Variants in OLFM2 observed in about 807,000 individuals in gnomAD.
OLFM2 encodes the protein noelin-2.
Under a neutral mutation model 43.9 loss-of-function variants are expected in OLFM2, and 20 were observed. The observed-to-expected ratio is 0.46, with a 90% confidence interval of 0.32 to 0.66. OLFM2 has a LOEUF of 0.66. Ranked by LOEUF, OLFM2 falls within the 30% of genes least tolerant of loss-of-function variation. The probability of loss-of-function intolerance (pLI) is 0.04; values close to 1 mark genes in which losing one functional copy is unlikely to be tolerated. For synonymous variants in OLFM2, 268 were observed against 278.6 expected, an observed-to-expected ratio of 0.96 and a Z score of 0.38; for missense variants, 416 against 643.6, an observed-to-expected ratio of 0.65 and a Z score of 3.83.
chr19:9,890,116 T>A (rs542698912), intron 1 of OLFM2, among the ~76,000 whole-genome samples: 147 of 152,086 alleles, frequency 9.7e-4, no homozygotes, highest in African/African-American at 3.3e-3. Context: ...CCCTCTGGGC[T>A]CCCCTCTTCC....
chr19:9,931,888 G>A (rs2086485078), intron 1 of OLFM2, among the ~76,000 whole-genome samples: 1 of 152,014 alleles, frequency 6.6e-6, no homozygotes, highest in Non-Finnish European at 1.5e-5. Context: ...GATTTTCTTG[G>A]TGCCTTCCAT....
At chr19:9,930,379 T>TG (rs563571552) in intron 1 of OLFM2, among the ~76,000 whole-genome samples, 108 of 152,330 alleles carry the variant, frequency 7.1e-4, no homozygotes, top group Non-Finnish European at 5.3e-4. Flanking sequence ...TTTATTTTTT[T>TG]GGGGGGCATA....
chr19:9,919,486 T>C lies in OLFM2; in HGVS notation c.63+16818A>G, dbSNP rs138472715. Among the ~76,000 whole-genome samples, 51 of 147,432 alleles carry C rather than the reference T, an allele frequency of 3.5e-4. No individual in the cohort carries two copies. The East Asian group carries it at 0.01, about 29-fold the overall frequency. Reference sequence around the variant, plus strand: ...CCGGCCGAGACCTCATTTCTTCCTATTCATTTATTTATTTGAGACAGAGTC... The same window carrying C: ...CCGGCCGAGACCTCATTTCTTCCTACTCATTTATTTATTTGAGACAGAGTC... On this transcript the variant is annotated intron_variant, in intron 1 of 5. Transcript: ENST00000264833.
intron 1 of OLFM2, among the ~76,000 whole-genome samples, chr19:9,912,288 C>G (rs890950133): frequency 3.3e-5 from 5 of 152,136 alleles, no homozygotes; most frequent in African/African-American, 1.2e-4. Flanking sequence ...AGGGGCTGGA[C>G]AAAGCCTTCT....
At chr19:9,865,010 A>G (rs1368710111) in intron 1 of OLFM2, among the ~76,000 whole-genome samples, 4 of 151,638 alleles carry the variant, frequency 2.6e-5, no homozygotes, top group African/African-American at 7.3e-5. Flanking sequence ...TTCCTGGGGT[A>G]TCTTAGGTGG....
chr19:9,903,824 G>A (rs2046760596), intron 1 of OLFM2, among the ~76,000 whole-genome samples: 1 of 152,134 alleles, frequency 6.6e-6, no homozygotes, highest in African/African-American at 2.4e-5. Flanking sequence ...GCATCTATCT[G>A]CAGAACCAAA....
chr19:9,911,542 C>G (rs1212200791), intron 1 of OLFM2, among the ~76,000 whole-genome samples: 2 of 152,088 alleles, frequency 1.3e-5, no homozygotes, highest in African/African-American at 4.8e-5. Context: ...CCCACATGCA[C>G]ACAAGGCAGG....
chr19:9,887,431 G>A (rs1039823067), intron 1 of OLFM2, among the ~76,000 whole-genome samples: 3 of 151,888 alleles, frequency 2.0e-5, no homozygotes, highest in South Asian at 2.1e-4. Context: ...CACTTGCCTC[G>A]GCCTCCCAAA....
intron 1 of OLFM2, among the ~76,000 whole-genome samples, chr19:9,918,933 G>A (rs1224134160): frequency 6.6e-6 from 1 of 152,178 alleles, no homozygotes; most frequent in Non-Finnish European, 1.5e-5. Flanking sequence ...CCTAAAATTG[G>A]ATCGGGGTGA....
At position 9,854,952 on chromosome 19, in the gene OLFM2, T is replaced by A; in HGVS notation, c.688-89A>T. Reference sequence around the variant, plus strand: ...AGCTACAGCCATTAGAGTTCAACAGTCACTAAGTGGTCATTAGTCATGGGA... The same window carrying A: ...AGCTACAGCCATTAGAGTTCAACAGACACTAAGTGGTCATTAGTCATGGGA... On this transcript the variant is annotated intron_variant, in intron 5 of 5. Coordinates refer to ENST00000264833, the MANE Select transcript of OLFM2 (RefSeq NM_058164.4). The surrounding 1 kb of genome is among the most constrained non-coding windows in gnomAD (Gnocchi z 9.5). 9.9e-7 allele frequency: 1 copy of A among 1,011,124 alleles called. No homozygotes were observed. Among genetic ancestry groups the A allele is most frequent in the Admixed American group, 2.8e-5 (1 of 35,564 alleles). The allele number at this position is 1,011,124 out of a possible 1,614,324, so 62.6% of individuals were successfully genotyped here. A position where few individuals can be genotyped will look rare whatever the true frequency, so the allele number is the denominator to read the frequency against.
Position 9,860,652 on chromosome 19 carries a change from A to T in OLFM2, c.206T>A (p.Met69Lys). 1 of 1,585,472 alleles carries T rather than the reference A, an allele frequency of 6.3e-7. No individual in the cohort carries two copies. Among genetic ancestry groups the T allele is most frequent in the Non-Finnish European group, 8.6e-7 (1 of 1,165,024 alleles). ...TACCTGGAAGGTTCTCACCTTCTCCATCAGTTGCCGCAGCTCCCGACTCCT... is the reference window on the plus strand; with the variant it reads ...TACCTGGAAGGTTCTCACCTTCTCCTTCAGTTGCCGCAGCTCCCGACTCCT... Reference protein sequence around the residue: ...DGRSRELRQLMEKVQNVSQSM... With the variant: ...DGRSRELRQLKEKVQNVSQSM... Residue 69 changes from methionine to lysine, a missense_variant, in exon 2 of 6, where the codon ATG (methionine) becomes AAG (lysine). Coordinates refer to ENST00000264833, the MANE Select transcript of OLFM2 (RefSeq NM_058164.4).
At chr19:9,913,796 G>C in intron 1 of OLFM2, 1 of 472,756 alleles carries the variant, frequency 2.1e-6, no homozygotes, top group Non-Finnish European at 2.8e-6. Context: ...GACGCGGGCT[G>C]CGGCTCGGCG....
chr19:9,922,910 C>CAAA (rs530892316), intron 1 of OLFM2, among the ~76,000 whole-genome samples: 13 of 73,938 alleles, frequency 1.8e-4, no homozygotes, highest in African/African-American at 4.3e-4. Context: ...GACCCTGTCT[C>CAAA]AAAAAAAAAA....
At chr19:9,875,536 G>A (rs2046478828) in intron 1 of OLFM2, among the ~76,000 whole-genome samples, 1 of 144,412 alleles carries the variant, frequency 6.9e-6, no homozygotes, top group Non-Finnish European at 1.5e-5. Context: ...TTTGAGACAG[G>A]CTGGAGTGCA....
intron 1 of OLFM2, among the ~76,000 whole-genome samples, chr19:9,914,127 C>G (rs952747869): frequency 6.6e-6 from 1 of 151,814 alleles, no homozygotes; most frequent in Non-Finnish European, 1.5e-5. Context: ...GACCGCCTCC[C>G]GCACGCAGAC....
chr19:9,911,261 A>G (rs2046825282), intron 1 of OLFM2, among the ~76,000 whole-genome samples: 1 of 152,168 alleles, frequency 6.6e-6, no homozygotes, highest in African/African-American at 2.4e-5. Context: ...CAGACTCCCA[A>G]AATGGACACC....
In OLFM2 at chr19:9,857,237, G is replaced by A. The variant is rs2046326838; in HGVS notation, c.580+26C>T. 1.2e-6 allele frequency: 2 copies of A among 1,600,672 alleles called. No homozygotes were observed. Among genetic ancestry groups the A allele is most frequent in the East Asian group, 2.2e-5 (1 of 44,800 alleles). The stretch of plus-strand genomic sequence containing the variant: ...TTGGGTGTGGCAGTCAGAGATCAGG[G>A]GTCAGGGTCAAGGGCCAAGGCATAC... On this transcript the variant is annotated intron_variant, in intron 4 of 5. Coordinates refer to ENST00000264833, the MANE Select transcript of OLFM2 (RefSeq NM_058164.4). The surrounding 1 kb of genome is among the most constrained non-coding windows in gnomAD (Gnocchi z 5.7).
intron 1 of OLFM2, among the ~76,000 whole-genome samples, chr19:9,929,759 G>C (rs558980185): frequency 2.1e-4 from 32 of 151,890 alleles, no homozygotes; most frequent in African/African-American, 7.7e-4. Flanking sequence ...CACATACCAG[G>C]CCAGGCGTGG....
rs190681016 is a variant in OLFM2, at chr19:9,856,162, G to A, written c.687+645C>T. Among the ~76,000 whole-genome samples the A allele has an allele frequency of 2.8e-3, 431 of 152,206 alleles. 1 individual carries two copies. Among genetic ancestry groups the A allele is most frequent in the African/African-American group, 9.8e-3 (407 of 41,524 alleles). On this transcript the variant is annotated intron_variant, in intron 5 of 5. Coordinates refer to ENST00000264833, the MANE Select transcript of OLFM2 (RefSeq NM_058164.4). This position sits in a 1 kb window ranked among gnomAD's most constrained non-coding sequence, Gnocchi z 4.0. ...TGCCCAGGCTGCAGTGCAATGGTGC[G>A]ATCTTGGCTCACTGCAACCTCTGCC...
Sources: gnomAD v4.1 joint callset for allele counts (sites outside exome capture counted in the v4.1 genomes callset) on GRCh38, gnomAD v4.1.1 for gene constraint, Gnocchi (gnomAD v3.1) non-coding constraint, MANE v1.5 for transcripts, NCBI Gene and HGNC (gene_info 2026-07-23, HGNC 2026-07-21) for gene names.